Variants in CTCF observed in about 807,000 individuals in gnomAD.
CTCF encodes the protein CCCTC-binding factor.
Under a neutral mutation model 72.3 loss-of-function variants are expected in CTCF, and 7 were observed. The ratio of observed to expected loss-of-function variants is 0.10; its 90% CI spans 0.06 to 0.18. The LOEUF is 0.18. Ranked by LOEUF, CTCF falls within the 10% of genes least tolerant of loss-of-function variation. The probability of loss-of-function intolerance (pLI) is 1.00; values close to 1 mark genes in which losing one functional copy is unlikely to be tolerated. For synonymous variants in CTCF, 374 were observed against 315.8 expected (o/e 1.18, Z -1.95); for missense variants, 516 against 949.1 (o/e 0.54, Z 6.00).
At chr16:67,606,638 A>G (rs1347253636) in intron 2 of CTCF, among the ~76,000 whole-genome samples, 1 of 152,180 alleles carries the variant, frequency 6.6e-6, no homozygotes, top group Non-Finnish European at 1.5e-5. Flanking sequence ...GATATAATAC[A>G]ATGTTAAGGT....
At chr16:67,622,316 A>T (rs1158501069) in intron 7 of CTCF, among the ~76,000 whole-genome samples, 2 of 151,580 alleles carry the variant, frequency 1.3e-5, no homozygotes, top group Non-Finnish European at 2.9e-5. Context: ...AGATCACGCC[A>T]CCGCACTCCA....
intron 2 of CTCF, among the ~76,000 whole-genome samples, chr16:67,588,505 A>T (rs1031147902): frequency 1.2e-4 from 19 of 152,092 alleles, no homozygotes; most frequent in Non-Finnish European, 2.9e-5. Context: ...AGGTTACTCT[A>T]CACCAGCAAA....
rs1230044626 is a variant in CTCF, at chr16:67,611,393, A to G, written c.561A>G (p.Glu187=). Residue 187 remains glutamate, a synonymous_variant, in exon 3 of 12, where the codon GAA becomes GAG. Transcript: ENST00000264010. ...TLEQGELPPQ[E]DPSWQKDPDY... ...AACAAGGGGAACTTCCACCCCAGGAAGATCCTAGTTGGCAAAAAGACCCAG... is the reference window on the plus strand; with the variant it reads ...AACAAGGGGAACTTCCACCCCAGGAGGATCCTAGTTGGCAAAAAGACCCAG... The G allele has an allele frequency of 6.2e-7, 1 of 1,614,190 alleles. No individual in the cohort carries two copies. Among genetic ancestry groups the G allele is most frequent in the African/African-American group, 1.3e-5 (1 of 75,048 alleles).
chr16:67,621,905 A>G (rs2052204412), intron 7 of CTCF, among the ~76,000 whole-genome samples: 1 of 152,152 alleles, frequency 6.6e-6, no homozygotes, highest in South Asian at 2.1e-4. Flanking sequence ...CAAATAGGAA[A>G]GTAACATAGT....
intron 2 of CTCF, among the ~76,000 whole-genome samples, chr16:67,598,450 T>C (rs538457593): frequency 6.6e-6 from 1 of 152,182 alleles, no homozygotes; most frequent in South Asian, 2.1e-4. Flanking sequence ...AAGAAATATT[T>C]AGGAAAGACA....
chr16:67,585,388 G>A (rs1041314423), intron 2 of CTCF, among the ~76,000 whole-genome samples: 1 of 152,186 alleles, frequency 6.6e-6, no homozygotes, highest in African/African-American at 2.4e-5. Flanking sequence ...GACAACAAGA[G>A]CAGTAATGTT....
intron 3 of CTCF, 67 bp from the exon 4 acceptor site, chr16:67,611,884 T>G (rs2052067209): frequency 5.7e-6 from 8 of 1,398,060 alleles, no homozygotes; most frequent in Non-Finnish European, 8.0e-6. Context: ...TTGTAGAAAT[T>G]TAAGATTAGG....
intron 4 of CTCF, among the ~76,000 whole-genome samples, chr16:67,612,819 C>A (rs1208972705): frequency 6.6e-6 from 1 of 151,912 alleles, no homozygotes; most frequent in East Asian, 1.9e-4. Flanking sequence ...TGCCTGTAAT[C>A]CCAGCTACTC....
chr16:67,632,290 G>A (rs1314539989), intron 10 of CTCF, among the ~76,000 whole-genome samples: 1 of 152,110 alleles, frequency 6.6e-6, no homozygotes, highest in Non-Finnish European at 1.5e-5. Context: ...TCATCTCCAG[G>A]AAGACCAGCT....
intron 2 of CTCF, among the ~76,000 whole-genome samples, chr16:67,601,301 G>C (rs1354612696): frequency 8.0e-6 from 1 of 124,894 alleles, no homozygotes; most frequent in African/African-American, 3.0e-5. Context: ...CACCGTGTGT[G>C]TGTGTGTGTG....
In CTCF at chr16:67,611,224, TAGA is replaced by T. The variant is rs755376810; in HGVS notation, c.397_399del (p.Glu133del). The T allele has an allele frequency of 3.1e-6, 5 of 1,614,150 alleles. No individual in the cohort carries two copies. Among genetic ancestry groups the T allele is most frequent in the South Asian group, 1.1e-5 (1 of 91,076 alleles). ...ACTGTACCTGTTGCTACCACTTCAG[TAGA>T]AGAACTTCAGGGGGCTTATGAAAAT... is the stretch of plus-strand genomic sequence containing the variant. On this transcript the variant is annotated inframe_deletion, in exon 3 of 12. Transcript: ENST00000264010.
intron 2 of CTCF, among the ~76,000 whole-genome samples, chr16:67,596,677 C>T (rs1198555715): frequency 6.6e-6 from 1 of 152,038 alleles, no homozygotes; most frequent in Non-Finnish European, 1.5e-5. Flanking sequence ...CTCCACCTCC[C>T]TGGTTCAAGC....
In CTCF at chr16:67,616,919, C is replaced by T. The variant is rs1353637480; in HGVS notation, c.1086+41C>T. The T allele has an allele frequency of 3.1e-6, 5 of 1,593,050 alleles. No homozygotes were observed. In the African/African-American group the frequency reaches 4.0e-5, roughly 13 times the overall value. ...TTTGTTGGTATCTCTCTTAGGCAGA[C>T]CATGATTTATTTCAATACAAAGCTA... On this transcript the variant is annotated intron_variant, in intron 5 of 11. Transcript: ENST00000264010.
At chr16:67,615,094 A>G (rs191339604) in intron 4 of CTCF, 2 of 152,356 alleles carry the variant, frequency 1.3e-5, no homozygotes, top group East Asian at 3.9e-4. Context: ...GTGAGCCAAA[A>G]TCATGCTACT....
At chr16:67,615,895 TC>T (rs1291566647) in intron 4 of CTCF, 2 of 152,226 alleles carry the variant, frequency 1.3e-5, no homozygotes, top group African/African-American at 4.8e-5. Flanking sequence ...TTGTGGCTCT[TC>T]CTAATTGTAT....
At chr16:67,620,909 TATG>T (rs1205871856) in intron 6 of CTCF, 92 bp downstream of exon 6, 1 of 1,072,412 alleles carries the variant, frequency 9.3e-7, no homozygotes, top group Non-Finnish European at 1.3e-6. Flanking sequence ...CCATTGTTTA[TATG>T]AATGAAGACT....
chr16:67,616,758 C>T lies in CTCF; in HGVS notation c.966C>T (p.His322=). ...TCCTTTCTCTAGGTACTCGTCCTCA[C>T]AAGTGCCCAGACTGCGACATGGCCT... ...HLNTHTGTRP[H]KCPDCDMAFV... Residue 322 remains histidine, a synonymous_variant, in exon 5 of 12, where the codon CAC becomes CAT. Transcript: ENST00000264010. 6.2e-7 allele frequency: 1 copy of T among 1,614,204 alleles called. No individual in the cohort carries two copies. Among genetic ancestry groups the T allele is most frequent in the Non-Finnish European group, 8.5e-7 (1 of 1,180,040 alleles).
intron 2 of CTCF, among the ~76,000 whole-genome samples, chr16:67,605,770 C>T (rs1486951939): frequency 3.3e-5 from 5 of 152,084 alleles, no homozygotes; most frequent in Admixed American, 6.6e-5. Context: ...TTTGTTGTGC[C>T]AGGGATGAGC....
intron 2 of CTCF, among the ~76,000 whole-genome samples, chr16:67,582,241 C>T (rs983686948): frequency 6.6e-6 from 1 of 151,394 alleles, no homozygotes; most frequent in Non-Finnish European, 1.5e-5. Context: ...TCTGTTACTT[C>T]AAATTAGTAG....
Sources: gnomAD v4.1 joint callset for allele counts (sites outside exome capture counted in the v4.1 genomes callset) on GRCh38, gnomAD v4.1.1 for gene constraint, MANE v1.5 for transcripts, NCBI Gene and HGNC (gene_info 2026-07-23, HGNC 2026-07-21) for gene names.